FAM168A: variants seen among roughly 807,000 people sequenced by gnomAD.
FAM168A encodes family with sequence similarity 168 member A, also known as protein FAM168A.
Under a neutral mutation model 28.5 loss-of-function variants are expected in FAM168A, and 3 were observed. The observed-to-expected ratio is 0.11, with a 90% CI of 0.05 to 0.27. The LOEUF is 0.27. FAM168A is among the 10% of genes least tolerant of loss of function. The pLI is 1.00. For missense variants in FAM168A, 222 were observed against 311.5 expected, an observed-to-expected ratio of 0.71 and a Z score of 2.16; for synonymous variants, 122 against 124.2, an observed-to-expected ratio of 0.98 and a Z score of 0.12.
chr11:73,572,182 C>T (rs1383108441), intron 1 of FAM168A, among the ~76,000 whole-genome samples: 162 of 151,804 alleles, frequency 1.1e-3, no homozygotes, highest in African/African-American at 3.6e-3. Flanking sequence ...CCTGCCCGGC[C>T]AGCCGCCCCG....
Position 73,558,784 on chromosome 11 carries a change from AAAG to A in FAM168A, c.-19+39136_-19+39138del, listed in dbSNP as rs1457420726. ...TTACAATAGCTATTTATTTTTTAAA[AAAG>A]AAGAAGGAAATAAGTATAAGCAAGG... On this transcript the variant is annotated intron_variant, in intron 1 of 7. Transcript: ENST00000356467. Among the ~76,000 whole-genome samples, 21 of 152,216 alleles carry A rather than the reference AAAG, an allele frequency of 1.4e-4. 1 individual carries two copies. Among genetic ancestry groups the A allele is most frequent in the African/African-American group, 4.8e-4 (20 of 41,460 alleles).
chr11:73,569,845 TAAATAAATAAATAAAC>T (rs950171481), intron 1 of FAM168A, among the ~76,000 whole-genome samples: 8 of 148,460 alleles, frequency 5.4e-5, no homozygotes, highest in African/African-American at 1.8e-4. Flanking sequence ...AATAAATAAA[TAAATAAATAAATAAAC>T]AAAATAGATG....
intron 1 of FAM168A, among the ~76,000 whole-genome samples, chr11:73,578,631 G>A (rs555294194): frequency 9.9e-5 from 15 of 152,182 alleles, no homozygotes; most frequent in African/African-American, 3.4e-4. Flanking sequence ...TTATGTAAAC[G>A]GTTAGTAAAA....
intron 1 of FAM168A, among the ~76,000 whole-genome samples, chr11:73,583,291 A>G (rs1944271760): frequency 6.6e-6 from 1 of 152,088 alleles, no homozygotes; most frequent in Non-Finnish European, 1.5e-5. Context: ...TGACAGAGCA[A>G]GACTCTGTCT....
intron 3 of FAM168A, among the ~76,000 whole-genome samples, chr11:73,423,753 C>T (rs1866837719): frequency 6.6e-6 from 1 of 152,206 alleles, no homozygotes; most frequent in African/African-American, 2.4e-5. Flanking sequence ...TTGGAAGCAC[C>T]TGTACTTGAT....
chr11:73,546,046 A>G (rs749242537), intron 1 of FAM168A, among the ~76,000 whole-genome samples: 5 of 152,064 alleles, frequency 3.3e-5, no homozygotes, highest in African/African-American at 7.2e-5. Context: ...AGCTCTTCCC[A>G]CTTCTTACTA....
At chr11:73,518,172 G>C (rs1943328872) in intron 1 of FAM168A, among the ~76,000 whole-genome samples, 1 of 152,154 alleles carries the variant, frequency 6.6e-6, no homozygotes, top group Admixed American at 6.5e-5. Context: ...GGATATTAGA[G>C]AGTAGTATAT....
intron 1 of FAM168A, among the ~76,000 whole-genome samples, chr11:73,541,843 C>G (rs949231328): frequency 5.3e-5 from 8 of 152,160 alleles, no homozygotes; most frequent in African/African-American, 1.7e-4. Context: ...TAGAGACAAT[C>G]TACTTAAGCC....
chr11:73,511,294 G>C (rs11235784), intron 1 of FAM168A, among the ~76,000 whole-genome samples: 12,055 of 151,730 alleles, frequency 0.079, 573 homozygotes, highest in Admixed American at 0.11. Context: ...CTGGAGTGCA[G>C]TGTGCGATCT....
chr11:73,485,389 C>G (rs1335149675), intron 1 of FAM168A, among the ~76,000 whole-genome samples: 1 of 152,164 alleles, frequency 6.6e-6, no homozygotes, highest in Non-Finnish European at 1.5e-5. Flanking sequence ...ATAATGAGTT[C>G]TACTTCCTTC....
chr11:73,580,558 G>T, intron 1 of FAM168A: 1 of 552,226 alleles, frequency 1.8e-6, no homozygotes, highest in South Asian at 1.5e-5. Context: ...TACTTCTGGT[G>T]ACTGTACAGT....
chr11:73,570,752 G>T (rs1283407780), intron 1 of FAM168A, among the ~76,000 whole-genome samples: 1 of 148,630 alleles, frequency 6.7e-6, no homozygotes. Context: ...AAAAAGACAA[G>T]ACAAGAAAAG....
Position 73,594,064 on chromosome 11 carries a change from C to A in FAM168A, c.-19+3859G>T, listed in dbSNP as rs563181000. On this transcript the variant is annotated intron_variant, in intron 1 of 7. Coordinates refer to ENST00000356467, the MANE Select transcript of FAM168A (RefSeq NM_015159.3). ...TCATATATGTACAGTGTTTTCAGGA[C>A]ATGAACTGGTTTGTTCCCCTTGACA... is the stretch of plus-strand genomic sequence containing the variant. Among the ~76,000 whole-genome samples, 12 of 152,222 alleles carry A rather than the reference C, an allele frequency of 7.9e-5. No individual in the cohort carries two copies. In the South Asian group the frequency reaches 2.5e-3, roughly 32 times the overall value.
In FAM168A at chr11:73,401,543, A is replaced by G. The variant is rs553849434; in HGVS notation, c.*5220T>C. On this transcript the variant is annotated 3_prime_UTR_variant, in exon 8 of 8. Transcript: ENST00000356467. ...CTTGCTGGGGTCAGGCCCAAAGCTG[A>G]TCTCACCCATTTGATTCCTATGGGC... 7 of 152,312 alleles carry G rather than the reference A, an allele frequency of 4.6e-5. No homozygotes were observed. The highest frequency in any genetic ancestry group is 1.3e-4 in the Admixed American group (2 of 15,288). The allele number at this position is 152,312 out of a possible 1,614,324, so 9.4% of individuals were successfully genotyped here.
chr11:73,571,410 T>A (rs1280088798), intron 1 of FAM168A, among the ~76,000 whole-genome samples: 3 of 151,790 alleles, frequency 2.0e-5, no homozygotes, highest in Non-Finnish European at 2.9e-5. Context: ...CATGCCTGAC[T>A]GGTTTTCGTA....
intron 2 of FAM168A, among the ~76,000 whole-genome samples, chr11:73,458,707 T>C (rs1160372631): frequency 2.0e-5 from 3 of 151,660 alleles, no homozygotes; most frequent in Non-Finnish European, 4.4e-5. Flanking sequence ...GCCTCCCGGA[T>C]TGAAGTGATT....
rs966610126 is a variant in FAM168A at position 73,465,701 on chromosome 11, A to G, written c.70+2704T>C. 8.0e-5 allele frequency among the ~76,000 whole-genome samples: 12 copies of G among 150,226 alleles called. 1 individual carries two copies. The highest frequency in any genetic ancestry group is 6.8e-3 in the Middle Eastern group (2 of 292). On this transcript the variant is annotated intron_variant, in intron 2 of 7. Coordinates refer to ENST00000356467, the MANE Select transcript of FAM168A (RefSeq NM_015159.3). ...TAAACCTACAACGGTTCAATCTCCA[A>G]TTACCATCCCATTGGGGATTAAGGG...
intron 1 of FAM168A, among the ~76,000 whole-genome samples, chr11:73,540,933 G>A (rs1408159657): frequency 2.6e-5 from 4 of 152,084 alleles, no homozygotes; most frequent in Non-Finnish European, 5.9e-5. Context: ...GTCCGGGTAC[G>A]GTGGCTCGTG....
chr11:73,538,849 G>A (rs1943616469), intron 1 of FAM168A, among the ~76,000 whole-genome samples: 1 of 152,180 alleles, frequency 6.6e-6, no homozygotes, highest in African/African-American at 2.4e-5. Context: ...CAAAGACTCA[G>A]ACTAGCTCTA....
Sources: gnomAD v4.1 joint callset for allele counts (sites outside exome capture counted in the v4.1 genomes callset) on GRCh38, gnomAD v4.1.1 for gene constraint, MANE v1.5 for transcripts, NCBI Gene and HGNC (gene_info 2026-07-23, HGNC 2026-07-21) for gene names.